CPVL: variants seen among roughly 807,000 people sequenced by gnomAD.
CPVL encodes carboxypeptidase vitellogenic like.
Under a neutral mutation model 63.7 loss-of-function variants are expected in CPVL, and 51 were observed. The ratio of observed to expected loss-of-function variants is 0.80; its 90% CI spans 0.64 to 1.01. The LOEUF is 1.01. CPVL is among the 50% of genes least tolerant of loss of function. The pLI, the probability that CPVL is intolerant of heterozygous loss-of-function variation, is 0.00. For synonymous variants in CPVL, 195 were observed against 206.0 expected (o/e 0.95, Z 0.46); for missense variants, 530 against 573.1 (o/e 0.92, Z 0.77).
intron 11 of CPVL, among the ~76,000 whole-genome samples, chr7:29,050,019 A>G (rs990388998): frequency 1.2e-4 from 18 of 152,122 alleles, no homozygotes; most frequent in Admixed American, 9.2e-4. Context: ...ACATACCTCA[A>G]TGTAATAAAA....
intron 1 of CPVL, chr7:29,192,821 T>C (rs943660426): frequency 6.6e-6 from 1 of 152,168 alleles, no homozygotes; most frequent in Non-Finnish European, 1.5e-5. Context: ...GAAGCCCAGA[T>C]GGTAAAATTC....
intron 12 of CPVL, among the ~76,000 whole-genome samples, chr7:28,999,224 A>G (rs1469146273): frequency 6.6e-6 from 1 of 152,162 alleles, no homozygotes; most frequent in East Asian, 1.9e-4. Context: ...AAACAAACGA[A>G]AAAACAAAAC....
chr7:29,112,849 AG>A, intron 2 of CPVL, 27 bp from the exon 3 acceptor site: 1 of 1,465,198 alleles, frequency 6.8e-7, no homozygotes, highest in Non-Finnish European at 9.6e-7. Flanking sequence ...AATTTACCCA[AG>A]GATTACAGAA....
intron 9 of CPVL, among the ~76,000 whole-genome samples, chr7:29,067,360 T>C (rs1435280600): frequency 6.6e-6 from 1 of 151,154 alleles, no homozygotes; most frequent in Non-Finnish European, 1.5e-5. Context: ...TAACCAGGGG[T>C]TGGTAGGCAG....
intron 12 of CPVL, among the ~76,000 whole-genome samples, chr7:29,005,788 ATCC>A (rs1432053920): frequency 6.6e-6 from 1 of 152,250 alleles, no homozygotes; most frequent in Non-Finnish European, 1.5e-5. Flanking sequence ...AAGATTTCCC[ATCC>A]TCATTCTCTC....
chr7:29,040,706 G>T (rs1788980858), intron 11 of CPVL, among the ~76,000 whole-genome samples: 2 of 152,112 alleles, frequency 1.3e-5, no homozygotes, highest in African/African-American at 4.8e-5. Context: ...CCTACCAGCT[G>T]GTTTTGTCAA....
intron 1 of CPVL, 130 bp downstream of exon 1, chr7:29,146,299 G>A (rs1187022886): frequency 8.2e-6 from 3 of 366,050 alleles, no homozygotes; most frequent in Non-Finnish European, 1.5e-5. Flanking sequence ...CTCACTCTAC[G>A]GTGCTTTCTC....
intron 5 of CPVL, among the ~76,000 whole-genome samples, chr7:29,164,167 T>C (rs368806124): frequency 3.3e-5 from 5 of 152,216 alleles, no homozygotes; most frequent in Non-Finnish European, 4.4e-5. Flanking sequence ...CCAACACTTA[T>C]TGTGTCTTTT....
At chr7:29,093,198 G>A (rs566294195) in intron 5 of CPVL, among the ~76,000 whole-genome samples, 49 of 151,660 alleles carry the variant, frequency 3.2e-4, no homozygotes, top group African/African-American at 1.1e-3. Context: ...CCAGCCTGGC[G>A]AAACCCCGTT....
intron 2 of CPVL, among the ~76,000 whole-genome samples, chr7:29,119,123 AG>A (rs2128638398): frequency 6.6e-6 from 1 of 152,354 alleles, no homozygotes; most frequent in South Asian, 2.1e-4. Flanking sequence ...TTTATAGCTT[AG>A]GAACCTACTG....
At chr7:29,051,450 A>G (rs1290607532) in intron 11 of CPVL, among the ~76,000 whole-genome samples, 1 of 152,086 alleles carries the variant, frequency 6.6e-6, no homozygotes, top group Non-Finnish European at 1.5e-5. Flanking sequence ...TGAATAGACA[A>G]TTCTCAAAAG....
intron 11 of CPVL, among the ~76,000 whole-genome samples, chr7:29,047,869 GGGATTGGGGCC>G: frequency 6.6e-6 from 1 of 152,192 alleles, no homozygotes. Flanking sequence ...CAAGCTACAA[GGGATTGGGGCC>G]CTATCTTCAG....
intron 12 of CPVL, among the ~76,000 whole-genome samples, 195 bp downstream of exon 12, chr7:29,030,382 T>C (rs1003643951): frequency 1.3e-5 from 2 of 152,192 alleles, no homozygotes; most frequent in Non-Finnish European, 2.9e-5. Flanking sequence ...TAAACTTTTG[T>C]CTGGTTTTAT....
intron 3 of CPVL, among the ~76,000 whole-genome samples, chr7:29,111,500 A>C (rs1788227341): frequency 6.6e-6 from 1 of 152,182 alleles, no homozygotes; most frequent in African/African-American, 2.4e-5. Flanking sequence ...CACTTGCCTC[A>C]CTCAACACAA....
At chr7:29,121,904 C>T (rs1356022185) in intron 1 of CPVL, among the ~76,000 whole-genome samples, 1 of 152,148 alleles carries the variant, frequency 6.6e-6, no homozygotes, top group Non-Finnish European at 1.5e-5. Flanking sequence ...TTAGGTTCCT[C>T]CCCTTATTGC....
chr7:29,140,507 G>C (rs1176769444), intron 1 of CPVL, among the ~76,000 whole-genome samples: 2 of 152,190 alleles, frequency 1.3e-5, no homozygotes, highest in Non-Finnish European at 2.9e-5. Flanking sequence ...CCTAAATACT[G>C]TCATAAAGCA....
chr7:29,056,921 C>G (rs566346894), intron 11 of CPVL, among the ~76,000 whole-genome samples: 2 of 148,394 alleles, frequency 1.3e-5, no homozygotes, highest in South Asian at 4.3e-4. Context: ...ACCCTAATGA[C>G]ATATGATGTT....
At chr7:29,151,352 G>T (rs558510668), upstream of CPVL, among the ~76,000 whole-genome samples, 38 of 152,166 alleles carry the variant, frequency 2.5e-4, no homozygotes, top group Admixed American at 3.9e-4. Context: ...CGATCCAGAT[G>T]GTTTAGCGCC....
Position 29,125,318 on chromosome 7 carries a change from T to C in CPVL, c.-10-4247A>G, listed in dbSNP as rs961849611. 3.3e-5 allele frequency among the ~76,000 whole-genome samples: 5 copies of C among 151,640 alleles called. No homozygotes were observed. The South Asian group carries it at 6.2e-4, about 19-fold the overall frequency. On this transcript the variant is annotated intron_variant, in intron 1 of 12. Coordinates refer to ENST00000265394, the MANE Select transcript of CPVL (RefSeq NM_031311.5). ...CAAGGAGTAACTGACTTGATCAAGA[T>C]GACAAGGCCAAGACTCAAAGCCAGA...
Sources: gnomAD v4.1 joint callset for allele counts (sites outside exome capture counted in the v4.1 genomes callset) on GRCh38, gnomAD v4.1.1 for gene constraint, MANE v1.5 for transcripts, NCBI Gene and HGNC (gene_info 2026-07-23, HGNC 2026-07-21) for gene names.